Variants in PCCA observed in about 807,000 individuals in gnomAD.
PCCA encodes propionyl-CoA carboxylase subunit alpha.
Under a neutral mutation model 101.3 loss-of-function variants are expected in PCCA, and 74 were observed. That is an observed-to-expected ratio of 0.73 (90% confidence interval 0.61 to 0.89). The LOEUF is 0.89. PCCA is among the 40% of genes least tolerant of loss of function. The probability of loss-of-function intolerance (pLI) is 0.00; values close to 1 mark genes in which losing one functional copy is unlikely to be tolerated. For synonymous variants in PCCA, 294 were observed against 313.6 expected (o/e 0.94, Z 0.66); for missense variants, 891 against 907.0 (o/e 0.98, Z 0.23).
intron 14 of PCCA, among the ~76,000 whole-genome samples, chr13:100,306,701 C>T (rs2066481067): frequency 6.6e-6 from 1 of 150,720 alleles, no homozygotes; most frequent in African/African-American, 2.4e-5. Context: ...CTCAGGGGAG[C>T]AACAGTAACA....
At chr13:100,102,047 A>T (rs140492564) in intron 1 of PCCA, among the ~76,000 whole-genome samples, 102 of 151,448 alleles carry the variant, frequency 6.7e-4, no homozygotes, top group Non-Finnish European at 1.0e-3. Flanking sequence ...TTTTTCCTCC[A>T]TTTTTTTCCT....
chr13:100,292,671 A>G (rs1319094404), intron 12 of PCCA, among the ~76,000 whole-genome samples: 5 of 152,226 alleles, frequency 3.3e-5, no homozygotes. Context: ...GGCAAGCCAC[A>G]TATTAAATAA....
chr13:100,218,664 T>C (rs1339575438), intron 7 of PCCA, among the ~76,000 whole-genome samples: 1 of 152,194 alleles, frequency 6.6e-6, no homozygotes, highest in Non-Finnish European at 1.5e-5. Context: ...CTTCTCTAAC[T>C]AATAGAATAT....
intron 16 of PCCA, among the ~76,000 whole-genome samples, chr13:100,315,954 G>T (rs924142934): frequency 1.3e-5 from 2 of 152,136 alleles, no homozygotes; most frequent in Non-Finnish European, 2.9e-5. Context: ...GATGTGAAAA[G>T]AAAGAAACTA....
Position 100,305,411 on chromosome 13 carries a change from A to G in PCCA, c.1285-1781A>G, listed in dbSNP as rs557942195. 5.3e-5 allele frequency among the ~76,000 whole-genome samples: 8 copies of G among 152,292 alleles called. No homozygotes were observed. The South Asian group carries it at 1.2e-3, about 24-fold the overall frequency. On this transcript the variant is annotated intron_variant, in intron 14 of 23. Transcript: ENST00000376285. Reference sequence around the variant, plus strand: ...ACATAATAAATATTCTTTATTGTCTATGTTATTTTATTTGTGGGTTGAACA... The same window carrying G: ...ACATAATAAATATTCTTTATTGTCTGTGTTATTTTATTTGTGGGTTGAACA...
chr13:100,273,904 G>C (rs1409495765), intron 12 of PCCA, among the ~76,000 whole-genome samples: 1 of 152,096 alleles, frequency 6.6e-6, no homozygotes, highest in African/African-American at 2.4e-5. Context: ...CGTTGTAACC[G>C]GTGGCTTTAT....
chr13:100,169,271 G>A (rs984467553), intron 6 of PCCA, among the ~76,000 whole-genome samples: 30 of 151,244 alleles, frequency 2.0e-4, no homozygotes, highest in African/African-American at 7.0e-4. Flanking sequence ...GTGAAACCCC[G>A]TCTCTACTAA....
chr13:100,119,879 T>G (rs1286442916), intron 4 of PCCA, among the ~76,000 whole-genome samples: 1 of 152,106 alleles, frequency 6.6e-6, no homozygotes, highest in Non-Finnish European at 1.5e-5. Context: ...ATTTATTTAT[T>G]TATTTATTTG....
At chr13:100,131,548 T>C (rs1363992126) in intron 4 of PCCA, among the ~76,000 whole-genome samples, 1 of 152,222 alleles carries the variant, frequency 6.6e-6, no homozygotes, top group Non-Finnish European at 1.5e-5. Flanking sequence ...ATTAAGCACA[T>C]TCACATTGTT....
At chr13:100,448,482 C>T (rs895402649) in intron 20 of PCCA, among the ~76,000 whole-genome samples, 7 of 152,158 alleles carry the variant, frequency 4.6e-5, no homozygotes, top group African/African-American at 1.7e-4. Context: ...TGAGCCACCG[C>T]GCCTGGCCCA....
At chr13:100,467,200 C>T (rs994180679) in intron 21 of PCCA, among the ~76,000 whole-genome samples, 9 of 152,132 alleles carry the variant, frequency 5.9e-5, no homozygotes, top group Non-Finnish European at 1.2e-4. Flanking sequence ...ACATGAGCAT[C>T]TGGGTGGTTG....
chr13:100,138,934 CAAAAAA>C (rs34466523), intron 4 of PCCA, among the ~76,000 whole-genome samples: 2 of 83,078 alleles, frequency 2.4e-5, no homozygotes, highest in Non-Finnish European at 4.6e-5. Flanking sequence ...AACTCCATCT[CAAAAAA>C]AAAAAAAAAA....
intron 16 of PCCA, among the ~76,000 whole-genome samples, chr13:100,326,489 A>C (rs1489142855): frequency 6.6e-6 from 1 of 152,244 alleles, no homozygotes; most frequent in Non-Finnish European, 1.5e-5. Context: ...GTAAAACTAA[A>C]ACAGTGGAAG....
intron 19 of PCCA, among the ~76,000 whole-genome samples, chr13:100,407,049 G>A (rs1337238378): frequency 6.6e-6 from 1 of 152,222 alleles, no homozygotes; most frequent in African/African-American, 2.4e-5. Context: ...GGTAGTTACA[G>A]TTAGAAACAC....
chr13:100,291,918 C>G lies in PCCA; in HGVS notation c.1066-9542C>G, dbSNP rs2065155651. 6.6e-5 allele frequency among the ~76,000 whole-genome samples: 10 copies of G among 152,312 alleles called. No individual in the cohort carries two copies. In the South Asian group the frequency reaches 2.1e-3, roughly 32 times the overall value. On this transcript the variant is annotated intron_variant, in intron 12 of 23. Coordinates refer to ENST00000376285, the MANE Select transcript of PCCA (RefSeq NM_000282.4). The stretch of plus-strand genomic sequence containing the variant: ...CCCTAGAGTTCTCTGAAGCTAGTCT[C>G]CAGTTTTCGTTCAGCCACAGAGGGA...
chr13:100,455,046 C>A (rs1447395099), intron 21 of PCCA, among the ~76,000 whole-genome samples: 2 of 152,154 alleles, frequency 1.3e-5, no homozygotes, highest in African/African-American at 4.8e-5. Context: ...CTTGGTGACT[C>A]ATGCCTATAA....
intron 16 of PCCA, among the ~76,000 whole-genome samples, chr13:100,313,163 C>G (rs1474297383): frequency 1.3e-5 from 2 of 151,986 alleles, no homozygotes; most frequent in South Asian, 4.2e-4. Flanking sequence ...CCATTCTCTT[C>G]TCTGTTTTTC....
chr13:100,257,251 A>G (rs1400082403), intron 8 of PCCA, among the ~76,000 whole-genome samples: 3 of 152,216 alleles, frequency 2.0e-5, no homozygotes, highest in African/African-American at 4.8e-5. Context: ...TCCTGGTGCT[A>G]TTATAAGTTG....
At chr13:100,492,629 G>T (rs536966679) in intron 21 of PCCA, among the ~76,000 whole-genome samples, 18 of 151,636 alleles carry the variant, frequency 1.2e-4, no homozygotes, top group Middle Eastern at 6.8e-3. Flanking sequence ...GAAATCCGGA[G>T]CCCTAAATGG....
Sources: gnomAD v4.1 joint callset for allele counts (sites outside exome capture counted in the v4.1 genomes callset) on GRCh38, gnomAD v4.1.1 for gene constraint, MANE v1.5 for transcripts, NCBI Gene and HGNC (gene_info 2026-07-23, HGNC 2026-07-21) for gene names.